KIAA1217: variants seen among roughly 807,000 people sequenced by gnomAD.
KIAA1217 encodes KIAA1217, also known as sickle tail protein homolog.
A neutral mutation model predicts 163.9 loss-of-function variants in KIAA1217; 88 were observed. That is an observed-to-expected ratio of 0.54 (90% confidence interval 0.45 to 0.64). The LOEUF is 0.64. Ranked by LOEUF, KIAA1217 falls within the 30% of genes least tolerant of loss-of-function variation. KIAA1217 has a pLI of 0.00. For missense variants in KIAA1217, 2,372 were observed against 2,475.0 expected (o/e 0.96, Z 0.88); for synonymous variants, 903 against 923.1 (o/e 0.98, Z 0.39).
chr10:24,532,997 C>A, intron 15 of KIAA1217, 73 bp from the exon 16 acceptor site: 1 of 1,373,792 alleles, frequency 7.3e-7, no homozygotes, highest in Non-Finnish European at 1.0e-6. Flanking sequence ...AGTGAGGGAC[C>A]ATACGATCTG....
intron 2 of KIAA1217, among the ~76,000 whole-genome samples, chr10:24,039,978 T>C (rs1443967138): frequency 6.6e-6 from 1 of 152,170 alleles, no homozygotes; most frequent in Non-Finnish European, 1.5e-5. Context: ...ACACTGGCTC[T>C]CCCAGAGAAG....
chr10:24,459,759 C>CA (rs112878125), intron 5 of KIAA1217, among the ~76,000 whole-genome samples: 1,924 of 138,052 alleles, frequency 0.014, 34 homozygotes, highest in African/African-American at 0.04. Context: ...CTTAGCTCTA[C>CA]AAAAAAAAAA....
chr10:24,014,193 A>C (rs932850169), intron 2 of KIAA1217, among the ~76,000 whole-genome samples: 24 of 152,112 alleles, frequency 1.6e-4, no homozygotes, highest in South Asian at 4.1e-4. Context: ...ATTTTGGATA[A>C]ATAGTATCTG....
chr10:24,034,645 A>G (rs1051618755), intron 2 of KIAA1217, among the ~76,000 whole-genome samples: 2 of 152,074 alleles, frequency 1.3e-5, no homozygotes, highest in Admixed American at 6.5e-5. Flanking sequence ...CCAGAAAGCA[A>G]GATCAGGAGG....
intron 2 of KIAA1217, among the ~76,000 whole-genome samples, chr10:24,178,039 T>C (rs2065992596): frequency 6.6e-6 from 1 of 152,176 alleles, no homozygotes; most frequent in Non-Finnish European, 1.5e-5. Flanking sequence ...GTAACACCGA[T>C]GTACAGCTAG....
chr10:24,357,491 G>C (rs372524582), intron 2 of KIAA1217, among the ~76,000 whole-genome samples: 2 of 152,290 alleles, frequency 1.3e-5, no homozygotes, highest in African/African-American at 4.8e-5. Flanking sequence ...GAGTTAACTG[G>C]CACCTGCTAT....
chr10:24,501,773 T>G (rs537660205), intron 9 of KIAA1217, among the ~76,000 whole-genome samples: 1 of 128,396 alleles, frequency 7.8e-6, no homozygotes, highest in East Asian at 2.6e-4. Context: ...TTTTGAGACG[T>G]AGTCTCGCTT....
rs375063499 is a variant in KIAA1217 at position 24,009,204 on chromosome 10, T to G, written c.-171+1830T>G. 1.1e-4 allele frequency among the ~76,000 whole-genome samples: 17 copies of G among 152,288 alleles called. 1 individual carries two copies. In the South Asian group the frequency reaches 3.5e-3, roughly 32 times the overall value. On this transcript the variant is annotated intron_variant, in intron 2 of 18. Transcript: ENST00000376462. Reference sequence around the variant, plus strand: ...GGAGGGTTAAAACTTAACTGGCATCTTTTTTGGGTATAGAATGTGGTAGGA... The same window carrying G: ...GGAGGGTTAAAACTTAACTGGCATCGTTTTTGGGTATAGAATGTGGTAGGA...
At chr10:23,721,638 G>C (rs1241366062) in intron 1 of KIAA1217, among the ~76,000 whole-genome samples, 1 of 151,424 alleles carries the variant, frequency 6.6e-6, no homozygotes, top group Non-Finnish European at 1.5e-5. Flanking sequence ...TCTGAGTATG[G>C]TTACCTTGAA....
rs972432606 is a variant in KIAA1217 at position 23,695,685 on chromosome 10, G to GGA, written c.-321+460_-321+461dup. Among the ~76,000 whole-genome samples, 4 of 152,182 alleles carry GGA rather than the reference G, an allele frequency of 2.6e-5. No homozygotes were observed. Among genetic ancestry groups the GGA allele is most frequent in the African/African-American group, 9.6e-5 (4 of 41,466 alleles). ...TCTGATGGCTGGAAGACAGGGGCAA[G>GGA]GAGAGAGAGAACCGGCCCCGAGACG... On this transcript the variant is annotated intron_variant, in intron 1 of 18. Transcript: ENST00000376462. This position sits in a 1 kb window ranked among gnomAD's most constrained non-coding sequence, Gnocchi z 4.9.
intron 1 of KIAA1217, among the ~76,000 whole-genome samples, chr10:23,868,560 C>A (rs1345509848): frequency 6.6e-6 from 1 of 152,066 alleles, no homozygotes; most frequent in East Asian, 1.9e-4. Context: ...GTGGTTAGCT[C>A]CTTGTTTCTT....
chr10:24,324,976 C>A (rs2044677304), intron 2 of KIAA1217, among the ~76,000 whole-genome samples: 1 of 152,048 alleles, frequency 6.6e-6, no homozygotes, highest in African/African-American at 2.4e-5. Context: ...CAGTGAAGAG[C>A]TTGAGTTAAA....
intron 9 of KIAA1217, among the ~76,000 whole-genome samples, chr10:24,507,319 T>G (rs1331278607): frequency 6.6e-6 from 1 of 152,152 alleles, no homozygotes; most frequent in Admixed American, 6.6e-5. Context: ...AAATGTGACC[T>G]ATAACATTAA....
chr10:24,234,996 A>G (rs1471526825), intron 2 of KIAA1217, among the ~76,000 whole-genome samples: 1 of 152,200 alleles, frequency 6.6e-6, no homozygotes, highest in Non-Finnish European at 1.5e-5. Flanking sequence ...GCCAGGAAAC[A>G]AGACTAGACA....
intron 2 of KIAA1217, among the ~76,000 whole-genome samples, chr10:24,060,853 T>G (rs1394040152): frequency 1.3e-5 from 2 of 152,198 alleles, no homozygotes; most frequent in Non-Finnish European, 2.9e-5. Context: ...GACCTTTGTT[T>G]TGTGACCTAA....
chr10:23,830,821 T>TACACACACACACAC (rs139183459), intron 1 of KIAA1217, among the ~76,000 whole-genome samples: 32 of 147,542 alleles, frequency 2.2e-4, no homozygotes, highest in African/African-American at 7.9e-4. Context: ...GATATATGTG[T>TACACACACACACAC]ACACACACAC....
chr10:24,209,360 G>GAA (rs397774795), intron 1 of KIAA1217, 97 bp downstream of exon 1: 15,755 of 579,800 alleles, frequency 0.027, 3 homozygotes, highest in Non-Finnish European at 0.029. Flanking sequence ...CCCGGCAAAG[G>GAA]AAAAAAAAAA....
Position 24,027,417 on chromosome 10 carries a change from G to A in KIAA1217, c.-171+20043G>A, listed in dbSNP as rs1461321455. Among the ~76,000 whole-genome samples, 3 of 152,026 alleles carry A rather than the reference G, an allele frequency of 2.0e-5. No individual in the cohort carries two copies. In the East Asian group the frequency reaches 5.8e-4, roughly 29 times the overall value. On this transcript the variant is annotated intron_variant, in intron 2 of 18. Transcript: ENST00000376462. Reference sequence around the variant, plus strand: ...TTTTCCTGGCTGTTTAAACAAGAGGGGTAGTTCTGGTTCTTTTTGCTCTAC... The same window carrying A: ...TTTTCCTGGCTGTTTAAACAAGAGGAGTAGTTCTGGTTCTTTTTGCTCTAC...
chr10:23,843,941 C>T (rs1409138598), intron 1 of KIAA1217, among the ~76,000 whole-genome samples: 3 of 152,258 alleles, frequency 2.0e-5, no homozygotes, highest in East Asian at 3.9e-4. Context: ...GGTACCTTAT[C>T]TTTAGTGGTG....
Sources: gnomAD v4.1 joint callset for allele counts (sites outside exome capture counted in the v4.1 genomes callset) on GRCh38, gnomAD v4.1.1 for gene constraint, Gnocchi (gnomAD v3.1) non-coding constraint, MANE v1.5 for transcripts, NCBI Gene and HGNC (gene_info 2026-07-23, HGNC 2026-07-21) for gene names.